The following NBAS variants were observed in gnomAD, a reference collection of about 807,000 sequenced individuals.
NBAS encodes NBAS subunit of NRZ tethering complex.
Under a neutral mutation model 302.5 loss-of-function variants are expected in NBAS, and 219 were observed. The ratio of observed to expected loss-of-function variants is 0.72; its 90% confidence interval spans 0.65 to 0.81. The LOEUF is 0.81. NBAS is among the 30% of genes least tolerant of loss of function. NBAS has a pLI of 0.00. For missense variants in NBAS, 2,932 were observed against 2,841.6 expected (o/e 1.03, Z -0.72); for synonymous variants, 1,118 against 1,021.6 (o/e 1.09, Z -1.80).
rs34088172 is a variant in NBAS, at chr2:15,550,591, CT to C, written c.379+901del. On this transcript the variant is annotated intron_variant, in intron 6 of 51. Coordinates refer to ENST00000281513, the MANE Select transcript of NBAS (RefSeq NM_015909.4). ...GTAAGGTTCCTTCTTTCTGTCTTTTCTTTTTTTTTTTTTGAGACGGAGTCTC... is the reference window on the plus strand; with the variant it reads ...GTAAGGTTCCTTCTTTCTGTCTTTTCTTTTTTTTTTTTGAGACGGAGTCTC... 4.0e-4 allele frequency among the ~76,000 whole-genome samples: 58 copies of C among 144,216 alleles called. 1 individual carries two copies. The highest frequency in any genetic ancestry group is 1.5e-3 in the South Asian group (7 of 4,576). The allele number at this position is 144,216 out of a possible 152,430, so 94.6% of individuals were successfully genotyped here. A position where few individuals can be genotyped will look rare whatever the true frequency, so the allele number is the denominator to read the frequency against.
intron 10 of NBAS, among the ~76,000 whole-genome samples, chr2:15,504,804 G>T (rs1314835599): frequency 6.6e-6 from 1 of 152,092 alleles, no homozygotes. Context: ...GAAGCTTGGT[G>T]GTTCCTCAAA....
chr2:14,892,714 C>T, the NBAS span, among the ~76,000 whole-genome samples: 7 of 151,020 alleles, frequency 4.6e-5, no homozygotes, highest in Non-Finnish European at 8.8e-5. Flanking sequence ...TAATAACTAA[C>T]GTATTATGTT....
At chr2:15,342,125 T>C (rs1672882389) in intron 35 of NBAS, among the ~76,000 whole-genome samples, 1 of 152,074 alleles carries the variant, frequency 6.6e-6, no homozygotes, top group Non-Finnish European at 1.5e-5. Flanking sequence ...AAATTACCTA[T>C]CCCAGGAGCC....
chr2:14,981,647 A>G, the NBAS span, among the ~76,000 whole-genome samples: 364 of 152,282 alleles, frequency 2.4e-3, 2 homozygotes, highest in African/African-American at 8.4e-3. Flanking sequence ...CCACAATAGG[A>G]TGGGGCAGAC....
intron 45 of NBAS, among the ~76,000 whole-genome samples, chr2:15,235,649 C>G (rs1317954036): frequency 6.6e-6 from 1 of 151,950 alleles, no homozygotes; most frequent in Non-Finnish European, 1.5e-5. Context: ...TTTAAAGTAT[C>G]TTTTAGAGAT....
intron 44 of NBAS, among the ~76,000 whole-genome samples, chr2:15,264,686 G>A (rs985716375): frequency 3.3e-5 from 5 of 152,092 alleles, no homozygotes; most frequent in South Asian, 2.1e-4. Context: ...CATAAAACAC[G>A]GGAGCAGTTA....
the NBAS span, among the ~76,000 whole-genome samples, chr2:15,150,828 A>G: frequency 6.6e-6 from 1 of 152,334 alleles, no homozygotes; most frequent in African/African-American, 2.4e-5. Context: ...GACAAATTTC[A>G]CTGATAGTCC....
chr2:15,397,741 G>A (rs1675939029), intron 26 of NBAS: 1 of 298,224 alleles, frequency 3.4e-6, no homozygotes, highest in East Asian at 9.0e-5. Context: ...TGTGGCTGTG[G>A]CCCTTTTTGG....
intron 48 of NBAS, among the ~76,000 whole-genome samples, chr2:15,209,850 G>A (rs1391009481): frequency 6.6e-6 from 1 of 152,016 alleles, no homozygotes; most frequent in Non-Finnish European, 1.5e-5. Flanking sequence ...TTTTGACAAA[G>A]GTGCCAAGAA....
At chr2:14,858,530 A>G in the NBAS span, among the ~76,000 whole-genome samples, 1 of 152,170 alleles carries the variant, frequency 6.6e-6, no homozygotes, top group South Asian at 2.1e-4. Flanking sequence ...GGAACTGGAG[A>G]TCATTATGTT....
intron 43 of NBAS, among the ~76,000 whole-genome samples, chr2:15,276,452 T>G (rs953479374): frequency 7.2e-5 from 11 of 152,230 alleles, no homozygotes; most frequent in Non-Finnish European, 1.2e-4. Context: ...GGCTCTTAAG[T>G]GTTCCATGCA....
At chr2:15,524,216 C>A (rs1662811802) in intron 9 of NBAS, among the ~76,000 whole-genome samples, 1 of 152,192 alleles carries the variant, frequency 6.6e-6, no homozygotes. Context: ...GTAAAGCCAT[C>A]ATGCTGCCCT....
chr2:15,259,444 T>C (rs1356465434), intron 44 of NBAS, among the ~76,000 whole-genome samples: 1 of 152,232 alleles, frequency 6.6e-6, no homozygotes, highest in Admixed American at 6.5e-5. Context: ...TAGAATGCAT[T>C]GTTTGTTCTA....
chr2:15,098,483 A>ATATTATC, the NBAS span, among the ~76,000 whole-genome samples: 1 of 117,098 alleles, frequency 8.5e-6, no homozygotes, highest in Admixed American at 1.1e-4. Context: ...AATATGTTAT[A>ATATTATC]TATTGTATAT....
intron 21 of NBAS, among the ~76,000 whole-genome samples, chr2:15,437,882 T>A (rs1678111199): frequency 6.6e-6 from 1 of 152,070 alleles, no homozygotes; most frequent in Admixed American, 6.5e-5. Context: ...AAAGAGAAAA[T>A]GACCCTGAGA....
chr2:15,407,253 C>T (rs1261142921), intron 25 of NBAS, among the ~76,000 whole-genome samples: 2 of 152,174 alleles, frequency 1.3e-5, no homozygotes, highest in East Asian at 1.9e-4. Flanking sequence ...GTACTTTTCA[C>T]TTCCTGAGGA....
intron 9 of NBAS, among the ~76,000 whole-genome samples, chr2:15,513,845 G>C (rs997444341): frequency 2.0e-5 from 3 of 151,892 alleles, no homozygotes; most frequent in Admixed American, 6.6e-5. Flanking sequence ...AATCAGCCAG[G>C]TGTAGTCATA....
the NBAS span, among the ~76,000 whole-genome samples, chr2:14,839,645 C>A: frequency 6.6e-6 from 1 of 152,166 alleles, no homozygotes; most frequent in East Asian, 1.9e-4. Context: ...GAATCTCCCC[C>A]ATTTGAGACA....
chr2:14,848,350 G>A, the NBAS span, among the ~76,000 whole-genome samples: 14 of 141,456 alleles, frequency 9.9e-5, no homozygotes, highest in Admixed American at 6.7e-4. Flanking sequence ...ACTCCCACCC[G>A]AATATTGCGC....
Sources: gnomAD v4.1 joint callset for allele counts (sites outside exome capture counted in the v4.1 genomes callset) on GRCh38, gnomAD v4.1.1 for gene constraint, MANE v1.5 for transcripts, NCBI Gene and HGNC (gene_info 2026-07-23, HGNC 2026-07-21) for gene names.